CUX1: variants seen among roughly 807,000 people sequenced by gnomAD.
CUX1 encodes cut like homeobox 1.
CUX1 carries 31 observed loss-of-function variants against 158.8 expected under a neutral mutation model. The ratio of observed to expected loss-of-function variants is 0.20; its 90% CI spans 0.15 to 0.26. CUX1 has a LOEUF of 0.26. Among genes scored for constraint, CUX1 ranks in the 10% least tolerant of loss-of-function variants. The pLI, the probability that CUX1 is intolerant of heterozygous loss-of-function variation, is 1.00. For missense variants in CUX1, 1,589 were observed against 2,014.6 expected (o/e 0.79, Z 4.04); for synonymous variants, 879 against 862.1 (o/e 1.02, Z -0.34).
At chr7:102,243,167 A>G (rs1189556000) in intron 23 of CUX1, among the ~76,000 whole-genome samples, 1 of 152,090 alleles carries the variant, frequency 6.6e-6, no homozygotes, top group Non-Finnish European at 1.5e-5. Context: ...CCAGCTGCTC[A>G]GGAGGCTGAG....
chr7:101,895,053 CT>C (rs1393633452), intron 1 of CUX1, among the ~76,000 whole-genome samples: 2 of 152,022 alleles, frequency 1.3e-5, no homozygotes, highest in African/African-American at 2.4e-5. Flanking sequence ...TGGAGTCTTG[CT>C]GTGTCGCCCA....
chr7:101,887,316 T>C (rs1800330516), intron 1 of CUX1, among the ~76,000 whole-genome samples: 1 of 151,254 alleles, frequency 6.6e-6, no homozygotes, highest in African/African-American at 2.4e-5. Flanking sequence ...TTTTTCTTTC[T>C]TTTTTTTTAG....
intron 4 of CUX1, among the ~76,000 whole-genome samples, chr7:102,091,994 G>T (rs1386494290): frequency 3.9e-5 from 6 of 152,194 alleles, no homozygotes; most frequent in African/African-American, 1.4e-4. Flanking sequence ...GACCTCAGGT[G>T]ATCCACCTGC....
rs1425193569 is a variant in CUX1, at chr7:102,028,161, C to G, written c.189+16C>G. On this transcript the variant is annotated intron_variant, in intron 3 of 23. Transcript: ENST00000292535. ...CCAAGGAGAGGTAAGCTTTTCTATTCATTTTCTATCCTGAGCCACCCTTCG... is the reference window on the plus strand; with the variant it reads ...CCAAGGAGAGGTAAGCTTTTCTATTGATTTTCTATCCTGAGCCACCCTTCG... 4 of 1,613,216 alleles carry G rather than the reference C, an allele frequency of 2.5e-6. No homozygotes were observed. Among genetic ancestry groups the G allele is most frequent in the South Asian group, 1.1e-5 (1 of 91,024 alleles).
intron 9 of CUX1, among the ~76,000 whole-genome samples, chr7:102,168,938 C>T (rs4729775): frequency 0.29 from 14,466 of 50,084 alleles, 1,910 homozygotes; most frequent in African/African-American, 0.46. Context: ...CTTTTATTTT[C>T]TTTTTTTTTT....
At chr7:101,997,015 C>G (rs1229445904) in intron 2 of CUX1, among the ~76,000 whole-genome samples, 2 of 143,064 alleles carry the variant, frequency 1.4e-5, no homozygotes, top group Non-Finnish European at 2.9e-5. Flanking sequence ...GCACTCCGGC[C>G]CAGCCTTCAG....
intron 8 of CUX1, chr7:102,115,625 G>C (rs1554491582): frequency 5.0e-6 from 1 of 198,344 alleles, no homozygotes; most frequent in Non-Finnish European, 1.0e-5. Flanking sequence ...TTTCTCCCAG[G>C]GCCCTTTAGG....
At chr7:101,981,472 G>C (rs1163409560) in intron 2 of CUX1, among the ~76,000 whole-genome samples, 1 of 152,204 alleles carries the variant, frequency 6.6e-6, no homozygotes, top group Non-Finnish European at 1.5e-5. Context: ...TGGCCACAGA[G>C]AGTGGCCAGC....
intron 2 of CUX1, among the ~76,000 whole-genome samples, chr7:101,917,799 C>A (rs1311739718): frequency 6.6e-6 from 1 of 152,088 alleles, no homozygotes; most frequent in East Asian, 1.9e-4. Context: ...ATTGTCACTG[C>A]CCTTTCCTCG....
At chr7:101,910,073 C>T (rs1201378858) in intron 1 of CUX1, among the ~76,000 whole-genome samples, 9 of 152,142 alleles carry the variant, frequency 5.9e-5, no homozygotes, top group Admixed American at 2.0e-4. Flanking sequence ...ATGCACACCA[C>T]CATGCCCAGC....
At chr7:101,839,764 CT>C (rs575558590) in intron 1 of CUX1, among the ~76,000 whole-genome samples, 2 of 150,538 alleles carry the variant, frequency 1.3e-5, no homozygotes, top group Non-Finnish European at 3.0e-5. Flanking sequence ...AATTTTCTTT[CT>C]TTTTTTTGTT....
intron 1 of CUX1, among the ~76,000 whole-genome samples, chr7:101,871,706 C>A (rs919881925): frequency 6.6e-6 from 1 of 152,078 alleles, no homozygotes; most frequent in African/African-American, 2.4e-5. Flanking sequence ...AGCGTCGCCT[C>A]GCACAGGAAA....
chr7:102,192,619 G>A (rs1403374793), intron 12 of CUX1, among the ~76,000 whole-genome samples: 1 of 152,172 alleles, frequency 6.6e-6, no homozygotes, highest in Non-Finnish European at 1.5e-5. Context: ...CAGGAAACCA[G>A]CTTGGCCAAA....
At chr7:102,198,574 C>G (rs782344205) in intron 15 of CUX1, among the ~76,000 whole-genome samples, 4 of 152,218 alleles carry the variant, frequency 2.6e-5, no homozygotes, top group Non-Finnish European at 5.9e-5. Flanking sequence ...TGCCGTAGGT[C>G]GCTACTTAGA....
At chr7:101,917,704 T>C (rs766134470) in intron 2 of CUX1, among the ~76,000 whole-genome samples, 5 of 152,180 alleles carry the variant, frequency 3.3e-5, no homozygotes, top group Non-Finnish European at 5.9e-5. Context: ...CTTGACTCAG[T>C]TTCCCCAGCC....
Position 102,068,448 on chromosome 7 carries a change from G to GA in CUX1, c.190-1891_190-1890insA, listed in dbSNP as rs1012151366. Among the ~76,000 whole-genome samples, 60 of 151,664 alleles carry GA rather than the reference G, an allele frequency of 4.0e-4. 1 individual carries two copies. The highest frequency in any genetic ancestry group is 1.9e-3 in the South Asian group (9 of 4,788). On this transcript the variant is annotated intron_variant, in intron 3 of 23. Coordinates refer to ENST00000292535, the MANE Select transcript of CUX1 (RefSeq NM_181552.4). ...CACAGCCTTATCTTATCGGGTTGAG[G>GA]GGGTGGAAATGTGTCTGAGTTCCAA... is the stretch of plus-strand genomic sequence containing the variant.
intron 12 of CUX1, among the ~76,000 whole-genome samples, chr7:102,191,944 G>A (rs1794323052): frequency 6.6e-6 from 1 of 152,022 alleles, no homozygotes; most frequent in Non-Finnish European, 1.5e-5. Context: ...CCCCACTGAA[G>A]GGCTGCCACA....
At chr7:102,110,327 G>A (rs2131058494) in intron 6 of CUX1, among the ~76,000 whole-genome samples, 1 of 152,116 alleles carries the variant, frequency 6.6e-6, no homozygotes, top group East Asian at 1.9e-4. Context: ...TTATGTTATA[G>A]CATGTTACAT....
chr7:102,094,900 T>C (rs1193665040), intron 4 of CUX1, among the ~76,000 whole-genome samples: 1 of 152,070 alleles, frequency 6.6e-6, no homozygotes, highest in Non-Finnish European at 1.5e-5. Flanking sequence ...AGAGAAGTTA[T>C]GGAAATTTTT....
Sources: gnomAD v4.1 joint callset for allele counts (sites outside exome capture counted in the v4.1 genomes callset) on GRCh38, gnomAD v4.1.1 for gene constraint, MANE v1.5 for transcripts, NCBI Gene and HGNC (gene_info 2026-07-23, HGNC 2026-07-21) for gene names.